The following SH3TC1 variants were observed in gnomAD, a reference collection of about 807,000 sequenced individuals.
SH3TC1 encodes SH3 domain and tetratricopeptide repeat-containing protein 1.
Under a neutral mutation model 117.3 loss-of-function variants are expected in SH3TC1, and 135 were observed. The observed-to-expected ratio is 1.15, with a 90% CI of 1.00 to 1.33. The LOEUF (loss-of-function observed/expected upper bound fraction) is 1.33. Ranked by LOEUF, SH3TC1 falls within the 40% of genes most tolerant of loss-of-function variation. The probability of loss-of-function intolerance (pLI) is 0.00; values close to 1 mark genes in which losing one functional copy is unlikely to be tolerated. For missense variants in SH3TC1, 2,092 were observed against 1,794.3 expected (o/e 1.17, Z -3.00); for synonymous variants, 898 against 816.9 (o/e 1.10, Z -1.69).
rs1218914724 is a variant in SH3TC1, at chr4:8,210,775, G to T, written c.247+953G>T. Among the ~76,000 whole-genome samples the T allele has an allele frequency of 2.4e-5, 3 of 125,666 alleles. No individual in the cohort carries two copies. The highest frequency in any genetic ancestry group is 5.0e-5 in the Non-Finnish European group (3 of 59,694). The allele number at this position is 125,666 out of a possible 152,430, so 82.4% of individuals were successfully genotyped here. The stretch of plus-strand genomic sequence containing the variant: ...AAAAAAAAAAAAAAAAAAAAAAAAA[G>T]GCCGTCACAGCTCAGGAACCATTGT... On this transcript the variant is annotated intron_variant, in intron 3 of 17. Transcript: ENST00000245105. The surrounding 1 kb of genome is among the most constrained non-coding windows in gnomAD (Gnocchi z 4.1).
At position 8,236,200 on chromosome 4, in the gene SH3TC1, C is replaced by T. The variant is rs147425258; in HGVS notation, c.3406-78C>T. ...TAGCTGGGGCGTGGGAAGCTCCGAGCACATGTTTGAGCTCTGAGGAGGGCG... is the reference window on the plus strand; with the variant it reads ...TAGCTGGGGCGTGGGAAGCTCCGAGTACATGTTTGAGCTCTGAGGAGGGCG... On this transcript the variant is annotated intron_variant, in intron 15 of 17. Transcript: ENST00000245105. 6,077 of 1,447,762 alleles carry T rather than the reference C, an allele frequency of 4.2e-3. 224 individuals are homozygous for T. The South Asian group carries it at 0.066, about 16-fold the overall frequency. The allele number at this position is 1,447,762 out of a possible 1,614,324, so 89.7% of individuals were successfully genotyped here.
chr4:8,205,439 A>G lies in SH3TC1; in HGVS notation c.172+73A>G. On this transcript the variant is annotated intron_variant, in intron 2 of 17. Coordinates refer to ENST00000245105, the MANE Select transcript of SH3TC1 (RefSeq NM_018986.5). This position sits in a 1 kb window ranked among gnomAD's most constrained non-coding sequence, Gnocchi z 5.4. ...TCCACCCCACCCGCCCCGTCCATCC[A>G]TCCCTCACCACCCTGCCTGCCTCCA... 1 of 1,236,012 alleles carries G rather than the reference A, an allele frequency of 8.1e-7. No individual in the cohort carries two copies. Among genetic ancestry groups the G allele is most frequent in the Non-Finnish European group, 1.0e-6 (1 of 961,136 alleles). The allele number at this position is 1,236,012 out of a possible 1,614,324, so 76.6% of individuals were successfully genotyped here. A position where few individuals can be genotyped will look rare whatever the true frequency, so the allele number is the denominator to read the frequency against.
intron 9 of SH3TC1, among the ~76,000 whole-genome samples, chr4:8,219,996 C>T (rs779699372): frequency 6.6e-6 from 1 of 152,174 alleles, no homozygotes; most frequent in Non-Finnish European, 1.5e-5. Context: ...ACTCTGCCGC[C>T]GTCTCCACGT....
At position 8,233,384 on chromosome 4, in the gene SH3TC1, C is replaced by A; in HGVS notation, c.3153C>A (p.Asp1051Glu). The A allele has an allele frequency of 6.2e-7, 1 of 1,613,170 alleles. No individual in the cohort carries two copies. The highest frequency in any genetic ancestry group is 1.1e-5 in the South Asian group (1 of 90,838). Residue 1051 changes from aspartate (D) to glutamate (E), a missense_variant, in exon 14 of 18, where the codon GAC (aspartate) becomes GAA (glutamate). By Grantham distance (45) the Asp-to-Glu change is conservative (BLOSUM62 2). Transcript: ENST00000245105. ...GTERAYKSAL[D>E]YTKRSLGIFI... ...CCAGGGCCTACAAATCCGCACTGGACTACACCAAACGAAGTCTGGGGATTT... is the reference window on the plus strand; with the variant it reads ...CCAGGGCCTACAAATCCGCACTGGAATACACCAAACGAAGTCTGGGGATTT...
intron 17 of SH3TC1, among the ~76,000 whole-genome samples, chr4:8,240,428 C>T (rs775673117): frequency 1.1e-4 from 16 of 152,140 alleles, no homozygotes; most frequent in South Asian, 8.3e-4. Context: ...CCTCAGCCCA[C>T]GGGGAAAGCA....
In SH3TC1 at chr4:8,227,510, A is replaced by C. The variant is rs563771830; in HGVS notation, c.1816A>C (p.Asn606His). 4 of 1,550,836 alleles carry C rather than the reference A, an allele frequency of 2.6e-6. No individual in the cohort carries two copies. The highest frequency in any genetic ancestry group is 3.5e-6 in the Non-Finnish European group (4 of 1,154,440). ...DLFLVVAVYA[N>H]LASIYRKQKN... ...GTTCCTAGTGGTGGCTGTGTACGCC[A>C]ACCTGGCCAGCATTTACCGGAAGCA... is the stretch of plus-strand genomic sequence containing the variant. Residue 606 changes from asparagine to histidine, a missense_variant, in exon 12 of 18, where the codon AAC (asparagine) becomes CAC (histidine). Asn to His is a moderately conservative substitution (Grantham distance 68). Coordinates refer to ENST00000245105, the MANE Select transcript of SH3TC1 (RefSeq NM_018986.5).
intron 2 of SH3TC1, among the ~76,000 whole-genome samples, chr4:8,207,864 G>T (rs996689863): frequency 1.3e-5 from 2 of 152,124 alleles, no homozygotes; most frequent in African/African-American, 4.8e-5. Flanking sequence ...TTTTCAACTG[G>T]AGGATGGTGT....
intron 1 of SH3TC1, among the ~76,000 whole-genome samples, chr4:8,191,899 G>A (rs1194633698): frequency 2.6e-5 from 4 of 152,288 alleles, no homozygotes; most frequent in African/African-American, 9.6e-5. Context: ...GCTGCTCAGC[G>A]TGGAGCTGGG....
chr4:8,219,727 G>A (rs1038134590), intron 9 of SH3TC1, among the ~76,000 whole-genome samples, 197 bp downstream of exon 9: 2 of 152,200 alleles, frequency 1.3e-5, no homozygotes, highest in Non-Finnish European at 2.9e-5. Flanking sequence ...TCCTTTCTCC[G>A]GGCTGCTGCA....
chr4:8,228,294 A>T lies in SH3TC1; in HGVS notation c.2600A>T (p.Asn867Ile), dbSNP rs1297448321. The T allele has an allele frequency of 6.2e-7, 1 of 1,612,338 alleles. No homozygotes were observed. The highest frequency in any genetic ancestry group is 2.2e-5 in the East Asian group (1 of 44,882). ...GAGGACCAGGAGGGCGTGATTGCCA[A>T]CATGGTGGCCGTGGCTCTGAAGAGG... ...ASEDQEGVIA[N>I]MVAVALKRTG... The change falls in exon 12 of 18, where the codon AAC becomes ATC. Residue 867 changes from asparagine to isoleucine, a missense_variant. Asn to Ile is a moderately radical substitution (Grantham distance 149). Coordinates refer to ENST00000245105, the MANE Select transcript of SH3TC1 (RefSeq NM_018986.5).
chr4:8,215,458 C>T (rs985588787), intron 5 of SH3TC1, among the ~76,000 whole-genome samples: 5 of 152,166 alleles, frequency 3.3e-5, no homozygotes, highest in African/African-American at 1.2e-4. Flanking sequence ...GAGGAAGTGG[C>T]TCATCTGTGG....
rs1270849070 is a variant in SH3TC1 at position 8,210,214 on chromosome 4, G to A, written c.247+392G>A. Among the ~76,000 whole-genome samples, 2 of 152,166 alleles carry A rather than the reference G, an allele frequency of 1.3e-5. No homozygotes were observed. The highest frequency in any genetic ancestry group is 4.8e-5 in the African/African-American group (2 of 41,460). On this transcript the variant is annotated intron_variant, in intron 3 of 17. Transcript: ENST00000245105. This position sits in a 1 kb window ranked among gnomAD's most constrained non-coding sequence, Gnocchi z 4.1. The stretch of plus-strand genomic sequence containing the variant: ...GATGGGATCGCCGCAGGGCACAGGT[G>A]GAGGGAGGCAGCCCTGGGCCGGGGA...
rs746257199 is a variant in SH3TC1, at chr4:8,227,412, G to T, written c.1718G>T (p.Arg573Met). The change falls in exon 12 of 18, where the codon AGG becomes ATG. Residue 573 changes from arginine to methionine, a missense_variant. Physicochemically the swap from Arg to Met is moderately conservative, Grantham distance 91 (BLOSUM62 -1). Transcript: ENST00000245105. ...CFLLGRLCSR[R>M]LKLSQARVYF... ...CTCCTGGGGCGGCTGTGCAGCAGGA[G>T]GCTCAAGCTGTCCCAGGCCCGGGTG... is the stretch of plus-strand genomic sequence containing the variant. 6.5e-7 allele frequency: 1 copy of T among 1,550,280 alleles called. No individual in the cohort carries two copies. Among genetic ancestry groups the T allele is most frequent in the Non-Finnish European group, 8.7e-7 (1 of 1,150,806 alleles).
chr4:8,216,355 G>A, intron 6 of SH3TC1, 98 bp downstream of exon 6: 2 of 1,489,854 alleles, frequency 1.3e-6, no homozygotes, highest in South Asian at 1.4e-5. Context: ...AGCATGTCTG[G>A]GGCTGTGGGC....
chr4:8,234,298 C>T (rs1420062536), intron 14 of SH3TC1, among the ~76,000 whole-genome samples: 3 of 151,668 alleles, frequency 2.0e-5, no homozygotes, highest in African/African-American at 4.9e-5. Flanking sequence ...ATTCATCCAT[C>T]CACCCACCCA....
Position 8,183,453 on chromosome 4 carries a change from C to T in SH3TC1, c.-57+1243C>T, listed in dbSNP as rs986394527. Among the ~76,000 whole-genome samples the T allele has an allele frequency of 6.6e-6, 1 of 152,196 alleles. No individual in the cohort carries two copies. The highest frequency in any genetic ancestry group is 2.4e-5 in the African/African-American group (1 of 41,454). Reference sequence around the variant, plus strand: ...GAGGGAGGCGTGGCCCAGGGAGGCTCCCGGGCTGGCCTGAGGCCCATGGCA... The same window carrying T: ...GAGGGAGGCGTGGCCCAGGGAGGCTTCCGGGCTGGCCTGAGGCCCATGGCA... On this transcript the variant is annotated intron_variant, in intron 1 of 16. Transcript: ENST00000508641. This position sits in a 1 kb window ranked among gnomAD's most constrained non-coding sequence, Gnocchi z 5.4.
intron 1 of SH3TC1, among the ~76,000 whole-genome samples, chr4:8,193,448 G>A (rs1186133730): frequency 6.6e-6 from 1 of 152,148 alleles, no homozygotes; most frequent in Non-Finnish European, 1.5e-5. Context: ...AGCTGGCCCT[G>A]ACCCCTGAGA....
At chr4:8,226,751 T>C (rs1720489936) in intron 11 of SH3TC1, among the ~76,000 whole-genome samples, 1 of 152,224 alleles carries the variant, frequency 6.6e-6, no homozygotes, top group Non-Finnish European at 1.5e-5. Context: ...AGTTGGGCCA[T>C]GGGCCTGTGT....
intron 10 of SH3TC1, among the ~76,000 whole-genome samples, chr4:8,223,182 C>T (rs1720113709): frequency 6.6e-6 from 1 of 152,222 alleles, no homozygotes. Context: ...GGGAATGTGG[C>T]CCCTGAGACT....
Sources: allele counts gnomAD v4.1 joint callset (sites outside exome capture counted in the v4.1 genomes callset), GRCh38; gene constraint gnomAD v4.1.1; non-coding constraint Gnocchi (gnomAD v3.1); transcripts MANE v1.5; gene names NCBI Gene and HGNC (gene_info 2026-07-23, HGNC 2026-07-21).